The following UBE2D2 variants were observed in gnomAD, a reference collection of about 807,000 sequenced individuals.
UBE2D2 encodes ubiquitin-conjugating enzyme E2 D2.
A neutral mutation model predicts 24.2 loss-of-function variants in UBE2D2; 2 were observed. The ratio of observed to expected loss-of-function variants is 0.08; its 90% confidence interval spans 0.03 to 0.26. The LOEUF (loss-of-function observed/expected upper bound fraction) is 0.26, where lower values mean the gene tolerates loss of function less well. Ranked by LOEUF, UBE2D2 falls within the 10% of genes least tolerant of loss-of-function variation. The pLI is 1.00. For synonymous variants in UBE2D2, 58 were observed against 56.5 expected (o/e 1.03, Z -0.12); for missense variants, 44 against 177.6 (o/e 0.25, Z 4.28).
chr5:139,605,610 A>AG (rs1581524673), intron 2 of UBE2D2, among the ~76,000 whole-genome samples: 3 of 150,004 alleles, frequency 2.0e-5, no homozygotes, highest in Admixed American at 6.7e-5. Flanking sequence ...AAAAAAAAAA[A>AG]AAAAGAAAAG....
upstream of UBE2D2, among the ~76,000 whole-genome samples, chr5:139,560,180 C>G (rs188279357): frequency 6.8e-6 from 1 of 147,894 alleles, no homozygotes; most frequent in African/African-American, 2.5e-5. Context: ...TTTACAGGAA[C>G]CTGCCACCAC....
At chr5:139,612,770 A>C (rs990118344) in intron 2 of UBE2D2, among the ~76,000 whole-genome samples, 1 of 152,142 alleles carries the variant, frequency 6.6e-6, no homozygotes, top group African/African-American at 2.4e-5. Context: ...GTGTGCATGC[A>C]TGCGTGTGAG....
intron 2 of UBE2D2, among the ~76,000 whole-genome samples, chr5:139,608,046 T>C (rs923769908): frequency 1.3e-5 from 2 of 151,636 alleles, no homozygotes; most frequent in Non-Finnish European, 2.9e-5. Context: ...AAATATACAA[T>C]ATGCTAGAGT....
intron 1 of UBE2D2, among the ~76,000 whole-genome samples, chr5:139,590,725 G>A (rs1337018284): frequency 6.7e-6 from 1 of 149,226 alleles, no homozygotes; most frequent in Non-Finnish European, 1.5e-5. Context: ...ATAGTATGGC[G>A]ATGTTAAGAC....
chr5:139,615,813 C>T (rs540692019), intron 5 of UBE2D2, among the ~76,000 whole-genome samples: 145 of 146,606 alleles, frequency 9.9e-4, no homozygotes, highest in African/African-American at 3.3e-3. Context: ...ATCACAGTTG[C>T]GTTACAATAA....
intron 1 of UBE2D2, among the ~76,000 whole-genome samples, chr5:139,599,010 C>T (rs1754015252): frequency 7.0e-6 from 1 of 142,588 alleles, no homozygotes; most frequent in Non-Finnish European, 1.5e-5. Flanking sequence ...CTCACTGCAA[C>T]CTCTGCCTCC....
At chr5:139,581,368 G>A (rs1561509982) in intron 1 of UBE2D2, among the ~76,000 whole-genome samples, 1 of 151,884 alleles carries the variant, frequency 6.6e-6, no homozygotes, top group Non-Finnish European at 1.5e-5. Context: ...ATAATCGCTT[G>A]AACCCAAGAG....
chr5:139,592,471 G>A (rs995264329), intron 1 of UBE2D2, among the ~76,000 whole-genome samples: 2 of 152,058 alleles, frequency 1.3e-5, no homozygotes, highest in African/African-American at 4.8e-5. Flanking sequence ...TGACCTGGTA[G>A]TTGTGGGGTA....
At chr5:139,565,143 A>G (rs1406172298) in intron 1 of UBE2D2, among the ~76,000 whole-genome samples, 1 of 152,178 alleles carries the variant, frequency 6.6e-6, no homozygotes, top group Non-Finnish European at 1.5e-5. Context: ...GAGTTGCTAC[A>G]TCTGGGTTCT....
intron 1 of UBE2D2, chr5:139,562,406 A>T (rs771736281): frequency 2.3e-6 from 3 of 1,309,952 alleles, no homozygotes; most frequent in Non-Finnish European, 3.0e-6. Context: ...GAAAAAAAAA[A>T]GGTGACTTAA....
chr5:139,595,215 G>A (rs1220813700), intron 1 of UBE2D2, among the ~76,000 whole-genome samples: 2 of 152,012 alleles, frequency 1.3e-5, no homozygotes, highest in East Asian at 3.9e-4. Flanking sequence ...TATATATTTG[G>A]GTATTATTTT....
intron 5 of UBE2D2, among the ~76,000 whole-genome samples, chr5:139,621,261 A>T (rs753631478): frequency 4.6e-5 from 7 of 152,186 alleles, no homozygotes; most frequent in Admixed American, 4.6e-4. Context: ...TACATACATA[A>T]ATAAATAAAT....
chr5:139,576,542 G>GT (rs1465920993), intron 1 of UBE2D2, among the ~76,000 whole-genome samples: 2 of 151,492 alleles, frequency 1.3e-5, no homozygotes, highest in Non-Finnish European at 1.5e-5. Context: ...CAAATTTTTT[G>GT]TTTTTTAGTA....
At chr5:139,626,260 G>A (rs1754626395) in intron 6 of UBE2D2, among the ~76,000 whole-genome samples, 1 of 152,032 alleles carries the variant, frequency 6.6e-6, no homozygotes, top group African/African-American at 2.4e-5. Flanking sequence ...TGTAGAGACA[G>A]GGTTTTATCA....
At chr5:139,587,130 A>G (rs928510000) in intron 1 of UBE2D2, among the ~76,000 whole-genome samples, 1 of 152,124 alleles carries the variant, frequency 6.6e-6, no homozygotes, top group East Asian at 1.9e-4. Flanking sequence ...TTATATCTCT[A>G]TTAGAAGCTG....
intron 1 of UBE2D2, among the ~76,000 whole-genome samples, chr5:139,595,197 C>T (rs1489994868): frequency 6.6e-6 from 1 of 152,114 alleles, no homozygotes; most frequent in South Asian, 2.1e-4. Context: ...ACTGTTAAAA[C>T]ACAGCCTTAT....
At chr5:139,547,152 G>A (rs1039311406) in intron 1 of UBE2D2, among the ~76,000 whole-genome samples, 2 of 151,674 alleles carry the variant, frequency 1.3e-5, no homozygotes, top group Non-Finnish European at 2.9e-5. Context: ...TTAGACAGGC[G>A]TAGTGGCGGG....
intron 6 of UBE2D2, among the ~76,000 whole-genome samples, chr5:139,625,099 C>T (rs1041080686): frequency 6.6e-6 from 1 of 150,434 alleles, no homozygotes; most frequent in Non-Finnish European, 1.5e-5. Flanking sequence ...GTTCTTCAGC[C>T]CAGACTGGAG....
At chr5:139,608,171 G>C (rs446588) in intron 2 of UBE2D2, among the ~76,000 whole-genome samples, 68,393 of 151,918 alleles carry the variant, frequency 0.45, 20,335 homozygotes, top group African/African-American at 0.85. Context: ...GTAGCTCACG[G>C]CTGTAATCCT....
Sources: allele counts gnomAD v4.1 joint callset (sites outside exome capture counted in the v4.1 genomes callset), GRCh38; gene constraint gnomAD v4.1.1; transcripts MANE v1.5; gene names NCBI Gene and HGNC (gene_info 2026-07-23, HGNC 2026-07-21).